Variants in AKR1B15 observed in about 807,000 individuals in gnomAD.
The protein encoded by AKR1B15 is aldo-keto reductase family 1 member B15.
A neutral mutation model predicts 38.5 loss-of-function variants in AKR1B15; 49 were observed. That is an observed-to-expected ratio of 1.27 (90% CI 1.01 to 1.62). The LOEUF (loss-of-function observed/expected upper bound fraction) is 1.62. Ranked by LOEUF, AKR1B15 falls within the 40% of genes most tolerant of loss-of-function variation. AKR1B15 has a pLI of 0.00. For missense variants in AKR1B15, 411 were observed against 381.6 expected, an observed-to-expected ratio of 1.08 and a Z score of -0.64; for synonymous variants, 137 against 135.5, an observed-to-expected ratio of 1.01 and a Z score of -0.08.
chr7:134,565,179 G>C, intron 3 of AKR1B15: 2 of 358,932 alleles, frequency 5.6e-6, no homozygotes, highest in Non-Finnish European at 1.0e-5. Flanking sequence ...GAAAAATCTT[G>C]CTGCTGCTCA....
chr7:134,566,699 C>T (rs889519719), intron 3 of AKR1B15, among the ~76,000 whole-genome samples: 7 of 152,152 alleles, frequency 4.6e-5, no homozygotes, highest in Admixed American at 2.0e-4. Flanking sequence ...GCCTCTGGCT[C>T]TCTTTCCTTC....
At chr7:134,579,227 G>C (rs1794827771) in intron 11 of AKR1B15, among the ~76,000 whole-genome samples, 1 of 152,078 alleles carries the variant, frequency 6.6e-6, no homozygotes, top group Non-Finnish European at 1.5e-5. Flanking sequence ...GAGTGGATTG[G>C]GACAAGACTT....
intron 1 of AKR1B15, among the ~76,000 whole-genome samples, chr7:134,552,133 A>T (rs921074518): frequency 1.3e-5 from 2 of 152,166 alleles, no homozygotes; most frequent in Admixed American, 6.5e-5. Flanking sequence ...GAAAAGAGTA[A>T]CCCACTTGTT....
At chr7:134,561,992 CTCTT>C (rs1794408244) in intron 2 of AKR1B15, among the ~76,000 whole-genome samples, 1 of 152,060 alleles carries the variant, frequency 6.6e-6, no homozygotes, top group Admixed American at 6.6e-5. Flanking sequence ...TTTGCTTTCT[CTCTT>C]TCTTTTACAC....
chr7:134,575,542 G>C lies in AKR1B15; in HGVS notation c.636G>C (p.Gln212His). The change falls in exon 7 of 12, where the codon CAG becomes CAC. Residue 212 changes from glutamine (Q) to histidine (H), a missense_variant and splice_region_variant. Gln to His is a conservative substitution (Grantham distance 24, BLOSUM62 0). This residue lies in a region of AKR1B15 where 24 missense variants were observed against 48.9 expected (regional missense o/e 0.49). Coordinates refer to ENST00000457545, the MANE Select transcript of AKR1B15 (RefSeq NM_001080538.3). ...PGLKYKPVTN[Q>H]VECHPYLTQE... ...TGAAATATAAACCAGTGACTAACCA[G>C]GTAAATTCTATTCAGTTTAAGGGTA... is the stretch of plus-strand genomic sequence containing the variant. 6.2e-7 allele frequency: 1 copy of C among 1,613,750 alleles called. No individual in the cohort carries two copies. The highest frequency in any genetic ancestry group is 8.5e-7 in the Non-Finnish European group (1 of 1,179,770).
chr7:134,565,472 G>A (rs368214646), intron 3 of AKR1B15: 64 of 1,612,996 alleles, frequency 4.0e-5, no homozygotes, highest in South Asian at 3.0e-4. Context: ...AATCATTTCC[G>A]CACCAACCAT....
intron 6 of AKR1B15, chr7:134,573,459 A>C: frequency 2.0e-6 from 2 of 985,446 alleles, no homozygotes; most frequent in Non-Finnish European, 2.4e-6. Flanking sequence ...TGACTGCTAA[A>C]GAAAACATTT....
At chr7:134,573,341 C>T in intron 6 of AKR1B15, 2 of 984,604 alleles carry the variant, frequency 2.0e-6, no homozygotes, top group Non-Finnish European at 1.2e-6. Flanking sequence ...GTTTGCATTA[C>T]ATTTGATCTG....
intron 5 of AKR1B15, 72 bp from the exon 6 acceptor site, chr7:134,571,532 C>T (rs548253410): frequency 9.4e-6 from 11 of 1,174,204 alleles, no homozygotes; most frequent in Non-Finnish European, 1.4e-5. Context: ...GCATCAGGAT[C>T]CTGAAACCTT....
At chr7:134,564,127 A>G (rs1317809164) in intron 2 of AKR1B15, among the ~76,000 whole-genome samples, 3 of 152,196 alleles carry the variant, frequency 2.0e-5, no homozygotes, top group African/African-American at 7.2e-5. Context: ...CCATACAGCT[A>G]ATACCCCTGC....
chr7:134,579,477 GTTTC>G, intron 11 of AKR1B15, 26 bp from the exon 12 acceptor site: 2 of 1,518,268 alleles, frequency 1.3e-6, no homozygotes, highest in Non-Finnish European at 1.8e-6. Flanking sequence ...ATGGAACACA[GTTTC>G]TTTTTTTTTT....
chr7:134,558,047 A>G (rs965944974), intron 2 of AKR1B15, among the ~76,000 whole-genome samples: 6 of 152,212 alleles, frequency 3.9e-5, no homozygotes, highest in African/African-American at 1.4e-4. Context: ...GATCAAAGGG[A>G]AATGTTGTCA....
rs1585816292 is a variant in AKR1B15 at position 134,576,639 on chromosome 7, G to C, written c.825+209G>C. On this transcript the variant is annotated intron_variant, in intron 9 of 11. Transcript: ENST00000457545. ...GATAGCTTCTGTCTCACAGCTTCCT[G>C]TCAAGCCCTACAGCCCAGTGGCAAA... Among the ~76,000 whole-genome samples, 6 of 152,012 alleles carry C rather than the reference G, an allele frequency of 3.9e-5. 2 individuals carry two copies. The highest frequency in any genetic ancestry group is 3.9e-4 in the Admixed American group (6 of 15,276).
intron 6 of AKR1B15, among the ~76,000 whole-genome samples, chr7:134,574,638 C>T (rs1794725317): frequency 6.6e-6 from 1 of 152,202 alleles, no homozygotes; most frequent in Non-Finnish European, 1.5e-5. Flanking sequence ...GGATCTAGAA[C>T]ATGTAATAGA....
At position 134,577,866 on chromosome 7, in the gene AKR1B15, G is replaced by A. The variant is rs1794799609; in HGVS notation, c.992+80G>A. On this transcript the variant is annotated intron_variant, in intron 11 of 11. Transcript: ENST00000457545. ...GAGGGTTAGTTGGAAGGATTAGAAG[G>A]TTGTTGGGACTACTTGTGTCTTCAA... 4.0e-6 allele frequency: 6 copies of A among 1,504,310 alleles called. No individual in the cohort carries two copies. The South Asian group carries it at 4.7e-5, about 12-fold the overall frequency. 93.2% of individuals were successfully genotyped at this position (1,504,310 alleles called of 1,614,324 possible). A position where few individuals can be genotyped will look rare whatever the true frequency, so the allele number is the denominator to read the frequency against.
Position 134,577,264 on chromosome 7 carries a change from C to G in AKR1B15, c.909+218C>G, listed in dbSNP as rs1329719459. On this transcript the variant is annotated intron_variant, in intron 10 of 11. Coordinates refer to ENST00000457545, the MANE Select transcript of AKR1B15 (RefSeq NM_001080538.3). The stretch of plus-strand genomic sequence containing the variant: ...GGGGCAGTGCCTGGTAAAGCCCTAT[C>G]AGGTCTGAGCACAGTTGTGCCTCAC... Among the ~76,000 whole-genome samples, 6 of 152,330 alleles carry G rather than the reference C, an allele frequency of 3.9e-5. No homozygotes were observed. The East Asian group carries it at 9.6e-4, about 24-fold the overall frequency.
At chr7:134,566,108 A>C (rs1382759209) in intron 3 of AKR1B15, among the ~76,000 whole-genome samples, 1 of 152,220 alleles carries the variant, frequency 6.6e-6, no homozygotes, top group African/African-American at 2.4e-5. Context: ...AGACTGGGCA[A>C]CATAGCAAGA....
In AKR1B15 at chr7:134,569,403, C is replaced by G. The variant is rs1794616700; in HGVS notation, c.319-10C>G. ...CCAGTATTACTAGCTCATTGCTACACTCTTTGCAGGTGTGGCCCACTTTCT... is the reference window on the plus strand; with the variant it reads ...CCAGTATTACTAGCTCATTGCTACAGTCTTTGCAGGTGTGGCCCACTTTCT... On this transcript the variant is annotated splice_polypyrimidine_tract_variant and intron_variant, in intron 4 of 11. Transcript: ENST00000457545. 1 of 1,613,860 alleles carries G rather than the reference C, an allele frequency of 6.2e-7. No homozygotes were observed. The highest frequency in any genetic ancestry group is 8.5e-7 in the Non-Finnish European group (1 of 1,179,878).
intron 2 of AKR1B15, among the ~76,000 whole-genome samples, chr7:134,562,119 G>A (rs1272776926): frequency 2.0e-5 from 3 of 152,118 alleles, no homozygotes; most frequent in Non-Finnish European, 4.4e-5. Flanking sequence ...AAGTAGCTGG[G>A]ATTACAGACA....
Sources: gnomAD v4.1 joint callset for allele counts (sites outside exome capture counted in the v4.1 genomes callset) on GRCh38, gnomAD v4.1.1 for gene constraint, gnomAD v4.1.1 regional missense constraint, MANE v1.5 for transcripts, NCBI Gene and HGNC (gene_info 2026-07-23, HGNC 2026-07-21) for gene names.